The following TBL3 variants were observed in gnomAD, a reference collection of about 807,000 sequenced individuals.
TBL3 encodes transducin beta like 3, also known as transducin beta-like protein 3.
A neutral mutation model predicts 102.7 loss-of-function variants in TBL3; 71 were observed. That is an observed-to-expected ratio of 0.69 (90% CI 0.57 to 0.84). TBL3 has a LOEUF of 0.84. Among genes scored for constraint, TBL3 ranks in the 40% least tolerant of loss-of-function variants. TBL3 has a pLI of 0.00. For synonymous variants in TBL3, 578 were observed against 477.7 expected (o/e 1.21, Z -2.74); for missense variants, 1,188 against 1,098.5 (o/e 1.08, Z -1.15).
intron 4 of TBL3, 46 bp downstream of exon 4, chr16:1,974,469 C>T (rs2083383299): frequency 6.3e-7 from 1 of 1,590,422 alleles, no homozygotes; most frequent in Non-Finnish European, 8.6e-7. Flanking sequence ...GCGCCTCCCT[C>T]CCAGACTGAG....
Position 1,980,511 on chromosome 16 carries a change from C to A in TBL3, c.*1826C>A, listed in dbSNP as rs2083482398. 1 of 1,603,240 alleles carries A rather than the reference C, an allele frequency of 6.2e-7. No homozygotes were observed. The highest frequency in any genetic ancestry group is 8.5e-7 in the Non-Finnish European group (1 of 1,179,228). Reference sequence around the variant, plus strand: ...CAGCTGCAGGCGCGCCAGGCCGCGGCTCGTGCGCCCCACGCGTCCCAACAG... The same window carrying A: ...CAGCTGCAGGCGCGCCAGGCCGCGGATCGTGCGCCCCACGCGTCCCAACAG... On this transcript the variant is annotated 3_prime_UTR_variant, in exon 22 of 22. Transcript: ENST00000568546.
chr16:1,978,101 G>T, intron 19 of TBL3, 40 bp downstream of exon 19: 1 of 1,609,670 alleles, frequency 6.2e-7, no homozygotes, highest in Non-Finnish European at 8.5e-7. Context: ...TGGGTCTTCG[G>T]ACCACTGGGC....
chr16:1,973,874 C>T (rs774911725), intron 1 of TBL3, among the ~76,000 whole-genome samples, 182 bp from the exon 2 acceptor site: 24 of 152,332 alleles, frequency 1.6e-4, no homozygotes, highest in African/African-American at 5.3e-4. Context: ...TTCTCAGTGA[C>T]GACGGTAGCT....
In TBL3 at chr16:1,978,973, T is replaced by C. The variant is rs2083434104; in HGVS notation, c.*288T>C. On this transcript the variant is annotated 3_prime_UTR_variant, in exon 22 of 22. Transcript: ENST00000568546. ...GCAAATGGCCCCCTCCCATCCCTGC[T>C]GGCCAGGGAGATCCGCCCTCCCCGC... 3 of 1,359,070 alleles carry C rather than the reference T, an allele frequency of 2.2e-6. No homozygotes were observed. The African/African-American group carries it at 4.4e-5, about 20-fold the overall frequency. 84.2% of individuals were successfully genotyped at this position (1,359,070 alleles called of 1,614,324 possible).
chr16:1,973,926 C>T, intron 1 of TBL3, 130 bp from the exon 2 acceptor site: 1 of 978,244 alleles, frequency 1.0e-6, no homozygotes, highest in African/African-American at 1.7e-5. Flanking sequence ...CATGCCCTGT[C>T]CCTGCTGTTG....
chr16:1,981,611 G>C lies in TBL3; in HGVS notation c.*2926G>C, dbSNP rs1376525820. 2 of 193,862 alleles carry C rather than the reference G, an allele frequency of 1.0e-5. No individual in the cohort carries two copies. Among genetic ancestry groups the C allele is most frequent in the East Asian group, 2.6e-4 (2 of 7,558 alleles). 12.0% of individuals were successfully genotyped at this position (193,862 alleles called of 1,614,324 possible). On this transcript the variant is annotated 3_prime_UTR_variant, in exon 22 of 22. Coordinates refer to ENST00000568546, the MANE Select transcript of TBL3 (RefSeq NM_006453.3). ...TCTCTGGATTCCCCTACCCTGTGAG[G>C]TAATTGCCCTGCCAGGGTGCGCCCA...
chr16:1,974,336 C>T (rs370191719), intron 3 of TBL3, 40 bp from the exon 4 acceptor site: 21 of 1,590,644 alleles, frequency 1.3e-5, no homozygotes, highest in African/African-American at 1.2e-4. Context: ...GAGAGGGCAG[C>T]CCACTCACAC....
Position 1,979,539 on chromosome 16 carries a change from G to C in TBL3, c.*854G>C, listed in dbSNP as rs1329972183. ...GTAGGCGCGGGAAGCACAGAACTGG[G>C]GACCTGGTGGGAGTGGGTGTTTGGA... is the stretch of plus-strand genomic sequence containing the variant. On this transcript the variant is annotated 3_prime_UTR_variant, in exon 22 of 22. Transcript: ENST00000568546. 1.9e-6 allele frequency: 3 copies of C among 1,608,630 alleles called. No individual in the cohort carries two copies. Among genetic ancestry groups the C allele is most frequent in the Non-Finnish European group, 2.5e-6 (3 of 1,177,316 alleles).
chr16:1,981,087 G>A lies in TBL3; in HGVS notation c.*2402G>A, dbSNP rs1842981023. The A allele has an allele frequency of 6.2e-7, 1 of 1,610,156 alleles. No homozygotes were observed. The highest frequency in any genetic ancestry group is 8.5e-7 in the Non-Finnish European group (1 of 1,176,980). On this transcript the variant is annotated 3_prime_UTR_variant, in exon 22 of 22. Coordinates refer to ENST00000568546, the MANE Select transcript of TBL3 (RefSeq NM_006453.3). ...AGGCACCCCCTTCCTATCCCTTGGG[G>A]CCACTAAGGACCCAGCCAGGTCTTA...
intron 1 of TBL3, among the ~76,000 whole-genome samples, chr16:1,973,155 G>A (rs2150881614): frequency 6.6e-6 from 1 of 152,320 alleles, no homozygotes; most frequent in Non-Finnish European, 1.5e-5. Context: ...GAGGTAGGTA[G>A]GGGAGGCCGG....
intron 10 of TBL3, 40 bp from the exon 11 acceptor site, chr16:1,975,768 A>G: frequency 6.2e-7 from 1 of 1,613,780 alleles, no homozygotes; most frequent in Non-Finnish European, 8.5e-7. Context: ...CCTCTTACAC[A>G]GGTCCTGGCT....
At position 1,976,120 on chromosome 16, in the gene TBL3, G is replaced by A; in HGVS notation, c.1188+6G>A. Reference sequence around the variant, plus strand: ...TCTTTGCCAGCTGTGCCAAGGTGAGGCACCCTGAGAGGTAGGGGCAGGGGC... The same window carrying A: ...TCTTTGCCAGCTGTGCCAAGGTGAGACACCCTGAGAGGTAGGGGCAGGGGC... On this transcript the variant is annotated splice_donor_region_variant and intron_variant, in intron 12 of 21. Transcript: ENST00000568546. 6.2e-7 allele frequency: 1 copy of A among 1,614,114 alleles called. No individual in the cohort carries two copies. The highest frequency in any genetic ancestry group is 2.2e-5 in the East Asian group (1 of 44,878).
At chr16:1,977,459 G>A (rs759057834) in intron 16 of TBL3, 33 bp downstream of exon 16, 10 of 1,608,552 alleles carry the variant, frequency 6.2e-6, no homozygotes, top group African/African-American at 1.3e-5. Flanking sequence ...GCGATGGAGT[G>A]GGGGGTGGCG....
chr16:1,981,001 G>A lies in TBL3; in HGVS notation c.*2316G>A, dbSNP rs978536232. The A allele has an allele frequency of 9.9e-6, 16 of 1,613,152 alleles. No individual in the cohort carries two copies. The highest frequency in any genetic ancestry group is 2.2e-5 in the East Asian group (1 of 44,896). ...AAGGTGTCGCTGCCGTCTGACCAGC[G>A]CACAGAGAAGGCAAACGTCTGGGGG... On this transcript the variant is annotated 3_prime_UTR_variant, in exon 22 of 22. Coordinates refer to ENST00000568546, the MANE Select transcript of TBL3 (RefSeq NM_006453.3).
rs149212162 is a variant in TBL3, at chr16:1,975,051, C to T, written c.588C>T (p.Ser196=). The T allele has an allele frequency of 2.9e-5, 47 of 1,607,832 alleles. 1 individual carries two copies. In the African/African-American group the frequency reaches 5.1e-4, roughly 17 times the overall value. ...SCLAVLTAHY[S]AVTSLAFSAD... ...TGGCTGTGCTGACTGCCCACTACAG[C>T]GCCGTCACCTCACTGGCCTTCAGCG... Residue 196 remains serine (S), a synonymous_variant, in exon 7 of 22, where the codon AGC becomes AGT. Coordinates refer to ENST00000568546, the MANE Select transcript of TBL3 (RefSeq NM_006453.3).
chr16:1,975,827 A>T lies in TBL3; in HGVS notation c.1007A>T (p.Glu336Val), dbSNP rs370238116. Residue 336 changes from glutamate (E) to valine (V), a missense_variant, in exon 11 of 22, where the codon GAG becomes GTG. Physicochemically the swap from Glu to Val is moderately radical, Grantham distance 121. Coordinates refer to ENST00000568546, the MANE Select transcript of TBL3 (RefSeq NM_006453.3). Reference sequence around the variant, plus strand: ...CCGCAGTTCGCTGGCTACAGTGAGGAGGTTTTGGATGTCCGGTTTCTTGGG... The same window carrying T: ...CCGCAGTTCGCTGGCTACAGTGAGGTGGTTTTGGATGTCCGGTTTCTTGGG... ...LQKQFAGYSE[E>V]VLDVRFLGPE... 6.2e-7 allele frequency: 1 copy of T among 1,614,112 alleles called. No homozygotes were observed. The highest frequency in any genetic ancestry group is 8.5e-7 in the Non-Finnish European group (1 of 1,180,020).
chr16:1,974,810 G>A lies in TBL3; in HGVS notation c.427G>A (p.Gly143Arg), dbSNP rs748613040. Residue 143 changes from glycine to arginine, a missense_variant, in exon 6 of 22, where the codon GGG becomes AGG. Transcript: ENST00000568546. Reference sequence around the variant, plus strand: ...CGTCTGGGACATCGTGCGGCACTACGGGACACACCACTTCCGAGGCTCGCC... The same window carrying A: ...CGTCTGGGACATCGTGCGGCACTACAGGACACACCACTTCCGAGGCTCGCC... ...VRVWDIVRHY[G>R]THHFRGSPGV... The A allele has an allele frequency of 1.0e-4, 165 of 1,613,230 alleles. No homozygotes were observed. The highest frequency in any genetic ancestry group is 1.3e-4 in the Non-Finnish European group (153 of 1,179,992).
At position 1,980,210 on chromosome 16, in the gene TBL3, G is replaced by C; in HGVS notation, c.*1525G>C. 6.3e-7 allele frequency: 1 copy of C among 1,576,212 alleles called. No homozygotes were observed. The highest frequency in any genetic ancestry group is 8.6e-7 in the Non-Finnish European group (1 of 1,163,036). Reference sequence around the variant, plus strand: ...GGAAGGGCAGCCCGTACGAGTGAGAGGTAGGCGGATGGGGAGGGTGAAACT... The same window carrying C: ...GGAAGGGCAGCCCGTACGAGTGAGACGTAGGCGGATGGGGAGGGTGAAACT... On this transcript the variant is annotated 3_prime_UTR_variant, in exon 22 of 22. Transcript: ENST00000568546.
At position 1,977,265 on chromosome 16, in the gene TBL3, A is replaced by C. The variant is rs1490102093; in HGVS notation, c.1652A>C (p.Gln551Pro). 1 of 1,613,296 alleles carries C rather than the reference A, an allele frequency of 6.2e-7. No individual in the cohort carries two copies. The highest frequency in any genetic ancestry group is 1.7e-5 in the Admixed American group (1 of 60,022). ...GGCACCATCAAGCTCTGGGCACTCC[A>C]GGACTTCAGCTGTCTCAAGGTAAGT... The part of the protein sequence containing the change: ...ADGTIKLWAL[Q>P]DFSCLKTFEG... Residue 551 changes from glutamine (Q) to proline (P), a missense_variant, in exon 15 of 22, where the codon CAG becomes CCG. Transcript: ENST00000568546.
Sources: allele counts gnomAD v4.1 joint callset (sites outside exome capture counted in the v4.1 genomes callset), GRCh38; gene constraint gnomAD v4.1.1; transcripts MANE v1.5; gene names NCBI Gene and HGNC (gene_info 2026-07-23, HGNC 2026-07-21).